The following KCNAB2 variants were observed in gnomAD, a reference collection of about 807,000 sequenced individuals.
KCNAB2 encodes the protein potassium voltage-gated channel subfamily A regulatory beta subunit 2, also known as voltage-gated potassium channel subunit beta-2.
In KCNAB2, 29 loss-of-function variants were observed where a neutral mutation model predicts 63.6. That is an observed-to-expected ratio of 0.46 (90% CI 0.34 to 0.62). KCNAB2 has a LOEUF of 0.62. KCNAB2 is among the 20% of genes least tolerant of loss of function. The pLI, the probability that KCNAB2 is intolerant of heterozygous loss-of-function variation, is 0.01. For synonymous variants in KCNAB2, 222 were observed against 224.2 expected, an observed-to-expected ratio of 0.99 and a Z score of 0.09; for missense variants, 359 against 563.9, an observed-to-expected ratio of 0.64 and a Z score of 3.68.
chr1:6,044,915 T>C (rs1660792140), upstream of KCNAB2, among the ~76,000 whole-genome samples: 1 of 152,040 alleles, frequency 6.6e-6, no homozygotes, highest in Non-Finnish European at 1.5e-5. Flanking sequence ...AGAGGAGCAG[T>C]GGACCCAGGG....
chr1:6,091,709 C>T (rs1302057131), intron 10 of KCNAB2, among the ~76,000 whole-genome samples: 1 of 152,040 alleles, frequency 6.6e-6, no homozygotes, highest in African/African-American at 2.4e-5. Context: ...CCCCAAAACA[C>T]GCGGCCCCCC....
chr1:6,031,724 TA>T (rs60928974), upstream of KCNAB2, among the ~76,000 whole-genome samples: 50,786 of 146,080 alleles, frequency 0.35, 9,121 homozygotes, highest in African/African-American at 0.45. This position sits in a 1 kb window ranked among gnomAD's most constrained non-coding sequence, Gnocchi z 4.1. Context: ...TCATCTCTAT[TA>T]AAAAAAAAAA....
At chr1:6,042,095 A>G (rs1056561379), upstream of KCNAB2, among the ~76,000 whole-genome samples, 1 of 152,176 alleles carries the variant, frequency 6.6e-6, no homozygotes, top group Non-Finnish European at 1.5e-5. Context: ...TTGGTCTGCC[A>G]GAAGTTTGCT....
chr1:5,996,740 C>G (rs1159184835), intron 1 of KCNAB2, among the ~76,000 whole-genome samples: 1 of 152,234 alleles, frequency 6.6e-6, no homozygotes, highest in African/African-American at 2.4e-5. Flanking sequence ...CCGCCTTTAC[C>G]TGGACCCAGT....
Position 6,025,500 on chromosome 1 carries a change from G to A in KCNAB2, c.-52-15017G>A, listed in dbSNP as rs528005176. Among the ~76,000 whole-genome samples the A allele has an allele frequency of 3.9e-5, 6 of 152,334 alleles. No homozygotes were observed. In the South Asian group the frequency reaches 1.2e-3, roughly 32 times the overall value. Reference sequence around the variant, plus strand: ...AAGAAGGAATGAGGGGCCTCCCCAAGAAGGAATGGCAGAGCAGGGAGAGGC... The same window carrying A: ...AAGAAGGAATGAGGGGCCTCCCCAAAAAGGAATGGCAGAGCAGGGAGAGGC... On this transcript the variant is annotated intron_variant, in intron 1 of 16. Transcript: ENST00000341524.
At chr1:6,005,622 G>A (rs1657622073) in intron 1 of KCNAB2, among the ~76,000 whole-genome samples, 1 of 151,926 alleles carries the variant, frequency 6.6e-6, no homozygotes, top group Non-Finnish European at 1.5e-5. Context: ...TTTGTAGTTG[G>A]AAGGCAGCAC....
chr1:6,046,989 T>C (rs2100503206), intron 1 of KCNAB2, among the ~76,000 whole-genome samples: 1 of 152,350 alleles, frequency 6.6e-6, no homozygotes, highest in Middle Eastern at 3.4e-3. Context: ...TGAATTCCCC[T>C]GGGCCCCTGA....
intron 1 of KCNAB2, among the ~76,000 whole-genome samples, chr1:6,016,317 A>G (rs1279340418): frequency 6.6e-6 from 1 of 152,170 alleles, no homozygotes; most frequent in East Asian, 1.9e-4. Flanking sequence ...GGGCTCAGGG[A>G]GGACCTCGCT....
intron 1 of KCNAB2, chr1:6,026,530 T>C (rs559510583): frequency 1.3e-5 from 2 of 152,562 alleles, no homozygotes; most frequent in Middle Eastern, 6.8e-3. Context: ...TGAGCAGGGC[T>C]TAGGTCCCCC....
chr1:6,029,773 C>T (rs1311542549), upstream of KCNAB2, among the ~76,000 whole-genome samples: 3 of 152,222 alleles, frequency 2.0e-5, no homozygotes, highest in Non-Finnish European at 4.4e-5. Context: ...AGCCCAGATC[C>T]GAACCACTGA....
chr1:6,028,325 A>G lies in KCNAB2; in HGVS notation c.-52-12192A>G, dbSNP rs1411212847. On this transcript the variant is annotated intron_variant, in intron 1 of 16. Transcript: ENST00000341524. The surrounding 1 kb of genome is among the most constrained non-coding windows in gnomAD (Gnocchi z 4.0). ...CTCCGCTGGAAGCACAGTCACTGCCATGGCTCCTCTAGGCTCTGGCACGCA... is the reference window on the plus strand; with the variant it reads ...CTCCGCTGGAAGCACAGTCACTGCCGTGGCTCCTCTAGGCTCTGGCACGCA... 3.3e-5 allele frequency among the ~76,000 whole-genome samples: 5 copies of G among 152,220 alleles called. No individual in the cohort carries two copies. Among genetic ancestry groups the G allele is most frequent in the Non-Finnish European group, 7.3e-5 (5 of 68,044 alleles).
Position 6,099,850 on chromosome 1 carries a change from C to A in KCNAB2, c.*1276C>A. On this transcript the variant is annotated 3_prime_UTR_variant, in exon 16 of 16. Transcript: ENST00000378083. ...AGAGGGGAGAGAGGGCAGGACAGGCCAGAGTGACGCCCCCGTGCAGCTTGG... is the reference window on the plus strand; with the variant it reads ...AGAGGGGAGAGAGGGCAGGACAGGCAAGAGTGACGCCCCCGTGCAGCTTGG... The A allele has an allele frequency of 6.5e-7, 1 of 1,547,076 alleles. No individual in the cohort carries two copies. The highest frequency in any genetic ancestry group is 1.2e-5 in the South Asian group (1 of 83,494).
intron 1 of KCNAB2, among the ~76,000 whole-genome samples, chr1:6,009,557 A>G (rs1225150488): frequency 6.6e-6 from 1 of 152,222 alleles, no homozygotes; most frequent in Non-Finnish European, 1.5e-5. Context: ...CTCTTGATCA[A>G]CTTCCTGTAA....
Position 6,096,062 on chromosome 1 carries a change from G to A in KCNAB2, c.948+438G>A. ...ACACAACCTCTGAGTGGGGACTCAGGAGGGTCCCCAGACTGCAGGATCTGG... is the reference window on the plus strand; with the variant it reads ...ACACAACCTCTGAGTGGGGACTCAGAAGGGTCCCCAGACTGCAGGATCTGG... On this transcript the variant is annotated intron_variant, in intron 13 of 15. Coordinates refer to ENST00000378083, the MANE Select transcript of KCNAB2 (RefSeq NM_001199862.2). This position sits in a 1 kb window ranked among gnomAD's most constrained non-coding sequence, Gnocchi z 5.9. 2.2e-6 allele frequency: 1 copy of A among 459,088 alleles called. No individual in the cohort carries two copies. Among genetic ancestry groups the A allele is most frequent in the South Asian group, 1.5e-5 (1 of 64,586 alleles). The allele number at this position is 459,088 out of a possible 1,614,324, so 28.4% of individuals were successfully genotyped here. A position where few individuals can be genotyped will look rare whatever the true frequency, so the allele number is the denominator to read the frequency against.
chr1:6,058,054 A>G (rs1403614108), intron 2 of KCNAB2, among the ~76,000 whole-genome samples: 1 of 152,118 alleles, frequency 6.6e-6, no homozygotes, highest in Non-Finnish European at 1.5e-5. Context: ...CTGAGGCTGA[A>G]GTGAGGATCA....
intron 2 of KCNAB2, among the ~76,000 whole-genome samples, chr1:6,067,784 C>G (rs1333442416): frequency 2.6e-5 from 4 of 152,182 alleles, no homozygotes; most frequent in African/African-American, 7.2e-5. Flanking sequence ...GATCCCAGCA[C>G]TTTGGGAGAC....
chr1:6,087,235 T>C lies in KCNAB2; in HGVS notation c.426-232T>C, dbSNP rs1208825063. Among the ~76,000 whole-genome samples, 1 of 152,156 alleles carries C rather than the reference T, an allele frequency of 6.6e-6. No homozygotes were observed. The highest frequency in any genetic ancestry group is 1.5e-5 in the Non-Finnish European group (1 of 68,018). The stretch of plus-strand genomic sequence containing the variant: ...CCCCCACTGTCCAACTCCCACTGCC[T>C]GACTCACAGTTACTGCCTCGGTGGC... On this transcript the variant is annotated intron_variant, in intron 6 of 15. Coordinates refer to ENST00000378083, the MANE Select transcript of KCNAB2 (RefSeq NM_001199862.2). This position sits in a 1 kb window ranked among gnomAD's most constrained non-coding sequence, Gnocchi z 6.4.
At position 6,073,225 on chromosome 1, in the gene KCNAB2, G is replaced by A. The variant is rs1663369225; in HGVS notation, c.262+427G>A. On this transcript the variant is annotated intron_variant, in intron 3 of 15. Coordinates refer to ENST00000378083, the MANE Select transcript of KCNAB2 (RefSeq NM_001199862.2). The surrounding 1 kb of genome is among the most constrained non-coding windows in gnomAD (Gnocchi z 5.7). ...CAGATACAAGGCCTGTTTCCAGAAT[G>A]TGCAGTCCCCACCTCCCCTCTGCAT... Among the ~76,000 whole-genome samples the A allele has an allele frequency of 6.6e-6, 1 of 152,036 alleles. No individual in the cohort carries two copies. The highest frequency in any genetic ancestry group is 6.5e-5 in the Admixed American group (1 of 15,272).
At chr1:6,041,992 AC>A, upstream of KCNAB2, 1 of 850,232 alleles carries the variant, frequency 1.2e-6, no homozygotes. Context: ...AGCCCCCGAG[AC>A]CCCCAGGCTC....
Sources: gnomAD v4.1 joint callset for allele counts (sites outside exome capture counted in the v4.1 genomes callset) on GRCh38, gnomAD v4.1.1 for gene constraint, Gnocchi (gnomAD v3.1) non-coding constraint, MANE v1.5 for transcripts, NCBI Gene and HGNC (gene_info 2026-07-23, HGNC 2026-07-21) for gene names.